Variants in MAP4K5 observed in about 807,000 individuals in gnomAD.
The protein encoded by MAP4K5 is mitogen-activated protein kinase kinase kinase kinase 5.
In MAP4K5, 82 loss-of-function variants were observed where a neutral mutation model predicts 135.6. The observed-to-expected ratio is 0.60, with a 90% confidence interval of 0.51 to 0.73. MAP4K5 has a LOEUF of 0.73. Ranked by LOEUF, MAP4K5 falls within the 30% of genes least tolerant of loss-of-function variation. MAP4K5 has a pLI of 0.00. For missense variants in MAP4K5, 907 were observed against 1,010.9 expected (o/e 0.90, Z 1.39); for synonymous variants, 347 against 335.0 (o/e 1.04, Z -0.39).
intron 6 of MAP4K5, among the ~76,000 whole-genome samples, chr14:50,481,333 C>T (rs1357823786): frequency 6.6e-6 from 1 of 150,448 alleles, no homozygotes; most frequent in African/African-American, 2.4e-5. Context: ...ATAAATTAAT[C>T]TGATTTATCT....
intron 3 of MAP4K5, among the ~76,000 whole-genome samples, chr14:50,500,415 G>C (rs2037683713): frequency 6.6e-6 from 1 of 152,110 alleles, no homozygotes. Context: ...CAGGCAAAAG[G>C]GAAGAATTGC....
At chr14:50,438,946 G>C (rs1323840643) in intron 23 of MAP4K5, among the ~76,000 whole-genome samples, 2 of 151,998 alleles carry the variant, frequency 1.3e-5, no homozygotes, top group Non-Finnish European at 2.9e-5. Flanking sequence ...CAGTAAGAGA[G>C]TTAGAGAAAA....
chr14:50,447,601 T>G, intron 15 of MAP4K5, 120 bp from the exon 16 acceptor site: 1 of 624,034 alleles, frequency 1.6e-6, no homozygotes. Context: ...CAATCAATTT[T>G]TTAATCTCTA....
intron 15 of MAP4K5, 27 bp downstream of exon 15, chr14:50,448,747 A>G: frequency 7.0e-7 from 1 of 1,425,820 alleles, no homozygotes; most frequent in Non-Finnish European, 9.6e-7. Context: ...TTAATGTGAA[A>G]ATAATGCTTT....
chr14:50,553,513 C>T (rs2038728494), intron 1 of MAP4K5, among the ~76,000 whole-genome samples: 1 of 152,018 alleles, frequency 6.6e-6, no homozygotes, highest in Non-Finnish European at 1.5e-5. Context: ...GGAATGTAAA[C>T]TAGTACAACC....
intron 2 of MAP4K5, 133 bp downstream of exon 2, chr14:50,531,809 G>A (rs927800469): frequency 2.7e-6 from 2 of 727,868 alleles, no homozygotes; most frequent in Non-Finnish European, 4.9e-6. Flanking sequence ...CGAGTAAAAG[G>A]GACCCCGGCC....
At chr14:50,459,693 CTT>C (rs1490034951) in intron 13 of MAP4K5, among the ~76,000 whole-genome samples, 1 of 143,560 alleles carries the variant, frequency 7.0e-6, no homozygotes, top group Admixed American at 7.0e-5. Flanking sequence ...ACTTTTCTTT[CTT>C]TCTCTTTTTT....
At chr14:50,474,376 G>T (rs1307312442) in intron 9 of MAP4K5, among the ~76,000 whole-genome samples, 1 of 149,476 alleles carries the variant, frequency 6.7e-6, no homozygotes, top group Non-Finnish European at 1.5e-5. Context: ...GTGACAGAAT[G>T]AAACCCTGTC....
In MAP4K5 at chr14:50,420,042, C is replaced by T. The variant is rs757473009; in HGVS notation, c.2518G>A (p.Ala840Thr). The change falls in exon 33 of 33, where the codon GCT becomes ACT. Residue 840 changes from alanine (A) to threonine (T), a missense_variant. By Grantham distance (58) the Ala-to-Thr change is moderately conservative. Around this residue, in one of 3 missense-constraint regions of MAP4K5, gnomAD observed 690 missense variants for 777.4 expected, o/e 0.89. Coordinates refer to ENST00000682126, the MANE Select transcript of MAP4K5 (RefSeq NM_006575.6). The stretch of plus-strand genomic sequence containing the variant: ...GCTTAGTAACTATTTTCATGTCCAG[C>T]CAAGATGTAGAGATTGCTGTGTGCA... ...PTAHSNLYIL[A>T]GHENSY 1.2e-6 allele frequency: 2 copies of T among 1,609,776 alleles called. No homozygotes were observed. The highest frequency in any genetic ancestry group is 1.7e-6 in the Non-Finnish European group (2 of 1,177,864).
rs2037358223 is a variant in MAP4K5, at chr14:50,486,125, G to A, written c.236C>T (p.Ala79Val). 1.4e-6 allele frequency: 2 copies of A among 1,388,604 alleles called. No homozygotes were observed. Among genetic ancestry groups the A allele is most frequent in the Non-Finnish European group, 2.0e-6 (2 of 1,010,942 alleles). 86.0% of individuals were successfully genotyped at this position (1,388,604 alleles called of 1,614,324 possible). The change falls in exon 4 of 33, where the codon GCC becomes GTC. Residue 79 changes from alanine to valine, a missense_variant. Around this residue, in one of 3 missense-constraint regions of MAP4K5, gnomAD observed 196 missense variants for 189.3 expected, o/e 1.04. Coordinates refer to ENST00000682126, the MANE Select transcript of MAP4K5 (RefSeq NM_006575.6). ...TTACCTAAGATAACTCCCAAAGTAG[G>A]CAACGATGTTACAATGTTTACATTC... ...VKECKHCNIV[A>V]YFGSYLSREK...
chr14:50,507,741 A>G (rs1182460143), intron 2 of MAP4K5, among the ~76,000 whole-genome samples: 3 of 152,128 alleles, frequency 2.0e-5, no homozygotes, highest in Non-Finnish European at 2.9e-5. Flanking sequence ...GTACTTTTGC[A>G]TTTGCTGAGG....
intron 26 of MAP4K5, among the ~76,000 whole-genome samples, chr14:50,436,072 T>G (rs920183336): frequency 6.6e-6 from 1 of 152,198 alleles, no homozygotes; most frequent in African/African-American, 2.4e-5. Flanking sequence ...GAAACTATTA[T>G]GTGGCACAAA....
chr14:50,459,691 TTCTTTC>T (rs1291544640), intron 13 of MAP4K5, among the ~76,000 whole-genome samples: 1 of 147,832 alleles, frequency 6.8e-6, no homozygotes, highest in Non-Finnish European at 1.5e-5. Flanking sequence ...TGACTTTTCT[TTCTTTC>T]TCTTTTTTTT....
chr14:50,524,086 T>C (rs568284596), intron 2 of MAP4K5, among the ~76,000 whole-genome samples: 1 of 152,354 alleles, frequency 6.6e-6, no homozygotes, highest in African/African-American at 2.4e-5. Context: ...AAATTCTTTG[T>C]CTTGATTTCC....
intron 11 of MAP4K5, among the ~76,000 whole-genome samples, chr14:50,466,037 G>A (rs1018169876): frequency 6.6e-6 from 1 of 152,090 alleles, no homozygotes; most frequent in African/African-American, 2.4e-5. Context: ...TTGCGCCACT[G>A]TACTACAGCC....
At position 50,419,069 on chromosome 14, in the gene MAP4K5, C is replaced by T. The variant is rs1186697531; in HGVS notation, c.*950G>A. The T allele has an allele frequency of 6.6e-6, 1 of 152,090 alleles. No homozygotes were observed. Among genetic ancestry groups the T allele is most frequent in the South Asian group, 2.1e-4 (1 of 4,826 alleles). The allele number at this position is 152,090 out of a possible 1,614,324, so 9.4% of individuals were successfully genotyped here. A position where few individuals can be genotyped will look rare whatever the true frequency, so the allele number is the denominator to read the frequency against. ...AATTACTTTATAGTTTCCTCTCTGG[C>T]ATAGTATAAGTAAAATACATATCAT... On this transcript the variant is annotated 3_prime_UTR_variant, in exon 33 of 33. Coordinates refer to ENST00000682126, the MANE Select transcript of MAP4K5 (RefSeq NM_006575.6).
intron 28 of MAP4K5, among the ~76,000 whole-genome samples, chr14:50,432,565 AAAAAAAAAAAAC>A (rs1304323701): frequency 6.6e-6 from 1 of 151,742 alleles, no homozygotes; most frequent in African/African-American, 2.4e-5. Flanking sequence ...TCAAAAAAAA[AAAAAAAAAAAAC>A]AAAAAAACGC....
chr14:50,502,826 G>A (rs908624387), intron 3 of MAP4K5, among the ~76,000 whole-genome samples: 15 of 152,032 alleles, frequency 9.9e-5, no homozygotes, highest in Non-Finnish European at 2.2e-4. Flanking sequence ...GTGGATAAGA[G>A]ACTGAATCTA....
chr14:50,528,269 C>T (rs897197161), intron 2 of MAP4K5, among the ~76,000 whole-genome samples: 4 of 152,094 alleles, frequency 2.6e-5, no homozygotes, highest in African/African-American at 9.7e-5. Flanking sequence ...ATTGAACTCT[C>T]CCTCTTGGGG....
Sources: gnomAD v4.1 joint callset for allele counts (sites outside exome capture counted in the v4.1 genomes callset) on GRCh38, gnomAD v4.1.1 for gene constraint, gnomAD v4.1.1 regional missense constraint, MANE v1.5 for transcripts, NCBI Gene and HGNC (gene_info 2026-07-23, HGNC 2026-07-21) for gene names.